Variants in RNGTT observed in about 807,000 individuals in gnomAD.
The protein encoded by RNGTT is mRNA-capping enzyme.
In RNGTT, 33 loss-of-function variants were observed where a neutral mutation model predicts 79.3. The observed-to-expected ratio is 0.42, with a 90% CI of 0.32 to 0.56. RNGTT has a LOEUF of 0.56. Among genes scored for constraint, RNGTT ranks in the 20% least tolerant of loss-of-function variants. The pLI is 0.17. For synonymous variants in RNGTT, 222 were observed against 235.9 expected (o/e 0.94, Z 0.54); for missense variants, 497 against 739.1 (o/e 0.67, Z 3.80).
At chr6:88,908,772 G>C (rs953544677) in intron 4 of RNGTT, among the ~76,000 whole-genome samples, 1 of 152,196 alleles carries the variant, frequency 6.6e-6, no homozygotes, top group Non-Finnish European at 1.5e-5. Flanking sequence ...AGGGCGAAGA[G>C]AGTAAGACTG....
chr6:88,929,585 G>A (rs751992307), intron 2 of RNGTT, among the ~76,000 whole-genome samples: 3 of 152,032 alleles, frequency 2.0e-5, no homozygotes, highest in Non-Finnish European at 2.9e-5. Context: ...TCTAGTGTTT[G>A]CTGCATATAC....
At chr6:88,738,868 A>ACC (rs986602326) in intron 13 of RNGTT, among the ~76,000 whole-genome samples, 35 of 151,150 alleles carry the variant, frequency 2.3e-4, no homozygotes, top group African/African-American at 6.8e-4. Flanking sequence ...ACACACACAC[A>ACC]CCCCTTCCAA....
chr6:88,698,304 A>C (rs1245194383), intron 13 of RNGTT, among the ~76,000 whole-genome samples: 1 of 120,986 alleles, frequency 8.3e-6, no homozygotes, highest in African/African-American at 4.7e-5. Context: ...ATATATATGA[A>C]ATATATATAT....
chr6:88,959,829 C>T (rs1350103935), intron 1 of RNGTT, among the ~76,000 whole-genome samples: 1 of 152,186 alleles, frequency 6.6e-6, no homozygotes, highest in African/African-American at 2.4e-5. Context: ...ACCCTACTTG[C>T]CTGTATGATC....
At chr6:88,667,398 C>G (rs1478117112) in intron 14 of RNGTT, among the ~76,000 whole-genome samples, 1 of 152,192 alleles carries the variant, frequency 6.6e-6, no homozygotes, top group Non-Finnish European at 1.5e-5. Context: ...CTTGTCGGCC[C>G]TTGCCAAAAC....
rs568985145 is a variant in RNGTT, at chr6:88,720,281, T to G, written c.1440-41862A>C. 2.6e-5 allele frequency among the ~76,000 whole-genome samples: 4 copies of G among 152,116 alleles called. 1 individual carries two copies. The South Asian group carries it at 8.3e-4, about 32-fold the overall frequency. ...GATAAAATTATTATTAAATCTATAC[T>G]TTTCAGATTTCAAGACCTTCACATA... is the stretch of plus-strand genomic sequence containing the variant. On this transcript the variant is annotated intron_variant, in intron 13 of 15. Transcript: ENST00000369485.
chr6:88,640,399 A>AG (rs1475085252), intron 14 of RNGTT, among the ~76,000 whole-genome samples: 2 of 151,672 alleles, frequency 1.3e-5, no homozygotes, highest in East Asian at 3.9e-4. Context: ...AAAAAAAAAA[A>AG]AAAAATCCAG....
intron 11 of RNGTT, among the ~76,000 whole-genome samples, chr6:88,835,973 AAAAC>A (rs1255192744): frequency 2.6e-4 from 25 of 94,504 alleles, no homozygotes; most frequent in Admixed American, 1.7e-3. Flanking sequence ...GTCTCTATTA[AAAAC>A]ACACACACAC....
chr6:88,854,429 T>C (rs1405382294), intron 8 of RNGTT, among the ~76,000 whole-genome samples: 2 of 152,156 alleles, frequency 1.3e-5, no homozygotes, highest in East Asian at 1.9e-4. Context: ...TATACACATA[T>C]ATAAATGTAC....
intron 12 of RNGTT, among the ~76,000 whole-genome samples, chr6:88,781,551 T>C (rs1424961699): frequency 1.3e-5 from 2 of 152,140 alleles, no homozygotes; most frequent in Non-Finnish European, 2.9e-5. Flanking sequence ...CAAGAATCTA[T>C]TATTTGTCTT....
In RNGTT at chr6:88,881,122, A is replaced by G. The variant is rs113874287; in HGVS notation, c.896+9373T>C. Reference sequence around the variant, plus strand: ...AAAGAAATATTAAGAAAAAAGTTAAATGTATTTTAGGGAATGTCAGAAATT... The same window carrying G: ...AAAGAAATATTAAGAAAAAAGTTAAGTGTATTTTAGGGAATGTCAGAAATT... On this transcript the variant is annotated intron_variant, in intron 8 of 15. Coordinates refer to ENST00000369485, the MANE Select transcript of RNGTT (RefSeq NM_003800.5). Among the ~76,000 whole-genome samples, 82 of 152,328 alleles carry G rather than the reference A, an allele frequency of 5.4e-4. 1 individual carries two copies. In the East Asian group the frequency reaches 0.014, roughly 26 times the overall value.
At chr6:88,759,864 C>G (rs897823909) in intron 13 of RNGTT, among the ~76,000 whole-genome samples, 11 of 152,008 alleles carry the variant, frequency 7.2e-5, no homozygotes, top group Non-Finnish European at 1.5e-4. Context: ...CATTTTCCCC[C>G]CCACCAACTT....
chr6:88,699,831 T>C (rs1416043031), intron 13 of RNGTT, among the ~76,000 whole-genome samples: 1 of 152,194 alleles, frequency 6.6e-6, no homozygotes, highest in Non-Finnish European at 1.5e-5. Flanking sequence ...ACAAATATTG[T>C]ATGGTTTGAA....
intron 4 of RNGTT, among the ~76,000 whole-genome samples, chr6:88,928,759 C>A (rs1414886878): frequency 1.3e-5 from 2 of 152,118 alleles, no homozygotes; most frequent in African/African-American, 4.8e-5. Flanking sequence ...ACTTTCCCAA[C>A]AGGACACCTG....
intron 4 of RNGTT, among the ~76,000 whole-genome samples, chr6:88,914,942 C>A (rs971544695): frequency 6.6e-6 from 1 of 151,986 alleles, no homozygotes; most frequent in African/African-American, 2.4e-5. Context: ...CAAATAAACC[C>A]ATTAAAAAGT....
chr6:88,959,651 T>TTA (rs1194907575), intron 1 of RNGTT, among the ~76,000 whole-genome samples: 1 of 152,206 alleles, frequency 6.6e-6, no homozygotes, highest in Non-Finnish European at 1.5e-5. Context: ...AAGTTCCTAA[T>TTA]TAGTCTCTCC....
intron 2 of RNGTT, among the ~76,000 whole-genome samples, chr6:88,934,034 G>GT (rs1172943668): frequency 6.6e-6 from 1 of 151,790 alleles, no homozygotes; most frequent in Non-Finnish European, 1.5e-5. Flanking sequence ...GTTTTGTTTT[G>GT]TTTTTTTGAG....
intron 14 of RNGTT, among the ~76,000 whole-genome samples, chr6:88,631,614 C>G (rs1015403449): frequency 6.6e-6 from 1 of 152,262 alleles, no homozygotes; most frequent in South Asian, 2.1e-4. Flanking sequence ...AGTGCAGGAG[C>G]TGAGATCTTG....
rs1426913584 is a variant in RNGTT at position 88,684,182 on chromosome 6, A to AT, written c.1440-5764dup. On this transcript the variant is annotated intron_variant, in intron 13 of 15. Coordinates refer to ENST00000369485, the MANE Select transcript of RNGTT (RefSeq NM_003800.5). Reference sequence around the variant, plus strand: ...AAATACAAACTGAAGTAACACTAAGATACTACAACACACCTATGAGAATGG... The same window carrying AT: ...AAATACAAACTGAAGTAACACTAAGATTACTACAACACACCTATGAGAATGG... 3.3e-5 allele frequency among the ~76,000 whole-genome samples: 5 copies of AT among 152,266 alleles called. No individual in the cohort carries two copies. In the East Asian group the frequency reaches 9.7e-4, roughly 29 times the overall value.
Sources: allele counts gnomAD v4.1 joint callset (sites outside exome capture counted in the v4.1 genomes callset), GRCh38; gene constraint gnomAD v4.1.1; transcripts MANE v1.5; gene names NCBI Gene and HGNC (gene_info 2026-07-23, HGNC 2026-07-21).